The following OCA2 variants were observed in gnomAD, a reference collection of about 807,000 sequenced individuals.
The protein encoded by OCA2 is OCA2 melanosomal transmembrane protein, also known as P protein.
Under a neutral mutation model 100.2 loss-of-function variants are expected in OCA2, and 77 were observed. That is an observed-to-expected ratio of 0.77 (90% CI 0.64 to 0.93). The LOEUF (loss-of-function observed/expected upper bound fraction) is 0.93. Ranked by LOEUF, OCA2 falls within the 40% of genes least tolerant of loss-of-function variation. OCA2 has a pLI of 0.00. For synonymous variants in OCA2, 432 were observed against 439.2 expected (o/e 0.98, Z 0.21); for missense variants, 1,062 against 1,089.1 (o/e 0.98, Z 0.35).
chr15:27,856,963 AAAG>A (rs1215655146), intron 21 of OCA2, among the ~76,000 whole-genome samples: 5 of 152,358 alleles, frequency 3.3e-5, no homozygotes, highest in Admixed American at 6.5e-5. Flanking sequence ...AGCTCTTAAC[AAAG>A]AAGATTACAC....
chr15:27,807,467 C>T (rs1052522751), intron 23 of OCA2, among the ~76,000 whole-genome samples: 1 of 152,142 alleles, frequency 6.6e-6, no homozygotes, highest in African/African-American at 2.4e-5. Context: ...AAGACAGGCA[C>T]GAAGAATAAT....
In OCA2 at chr15:28,085,372, C is replaced by A. The variant is rs186759316; in HGVS notation, c.-21-3477G>T. On this transcript the variant is annotated intron_variant, in intron 1 of 23. Coordinates refer to ENST00000354638, the MANE Select transcript of OCA2 (RefSeq NM_000275.3). ...CTACTCTGAGAACTTCTAGAAGGAGCTGGAGCCCCAGAAGAGATGCCCCAA... is the reference window on the plus strand; with the variant it reads ...CTACTCTGAGAACTTCTAGAAGGAGATGGAGCCCCAGAAGAGATGCCCCAA... Among the ~76,000 whole-genome samples, 3 of 152,256 alleles carry A rather than the reference C, an allele frequency of 2.0e-5. No individual in the cohort carries two copies. In the East Asian group the frequency reaches 5.8e-4, roughly 29 times the overall value.
At chr15:27,927,613 A>G (rs1039036891) in intron 18 of OCA2, among the ~76,000 whole-genome samples, 3 of 152,158 alleles carry the variant, frequency 2.0e-5, no homozygotes, top group African/African-American at 7.2e-5. Flanking sequence ...ATTTTCCAAA[A>G]TAATTTTATC....
At chr15:28,076,067 T>G (rs2044417806) in intron 2 of OCA2, among the ~76,000 whole-genome samples, 1 of 152,224 alleles carries the variant, frequency 6.6e-6, no homozygotes, top group South Asian at 2.1e-4. Flanking sequence ...ACAGCACTGA[T>G]AGTGTTTACA....
chr15:27,844,174 C>T (rs908128284), intron 23 of OCA2, among the ~76,000 whole-genome samples: 1 of 152,174 alleles, frequency 6.6e-6, no homozygotes, highest in Non-Finnish European at 1.5e-5. Context: ...CTAGAGGAGG[C>T]TCTACTCTGC....
chr15:27,967,092 T>C (rs539946399), intron 14 of OCA2, among the ~76,000 whole-genome samples: 1 of 152,302 alleles, frequency 6.6e-6, no homozygotes, highest in Non-Finnish European at 1.5e-5. Flanking sequence ...ATCATGCCAC[T>C]GCACTCCAGC....
chr15:28,085,204 TC>T (rs1344140473), intron 1 of OCA2, among the ~76,000 whole-genome samples: 1 of 151,970 alleles, frequency 6.6e-6, no homozygotes, highest in Non-Finnish European at 1.5e-5. Flanking sequence ...CCACCGCACC[TC>T]CCCAGACAGT....
intron 22 of OCA2, 101 bp from the exon 23 acceptor site, chr15:27,845,153 GATT>G (rs376820849): frequency 4.4e-6 from 4 of 916,616 alleles, no homozygotes; most frequent in Non-Finnish European, 7.0e-6. Flanking sequence ...GCTTTGATTT[GATT>G]ATTATTTTAT....
intron 23 of OCA2, among the ~76,000 whole-genome samples, chr15:27,809,819 G>A (rs893065235): frequency 6.6e-6 from 1 of 152,212 alleles, no homozygotes; most frequent in Admixed American, 6.5e-5. Context: ...CAAGGAGGTC[G>A]AAGACCTCTA....
chr15:27,832,825 A>G (rs1385827114), intron 23 of OCA2, among the ~76,000 whole-genome samples: 1 of 130,496 alleles, frequency 7.7e-6, no homozygotes, highest in African/African-American at 2.8e-5. Flanking sequence ...CGGATTAAAT[A>G]TCTGATTTTT....
Position 28,081,711 on chromosome 15 carries a change from GC to G in OCA2, c.163del (p.Ala55LeufsTer47), listed in dbSNP as rs1254334474. 5.6e-6 allele frequency: 9 copies of G among 1,613,660 alleles called. No individual in the cohort carries two copies. Among genetic ancestry groups the G allele is most frequent in the Non-Finnish European group, 6.8e-6 (8 of 1,179,940 alleles). ...ADPSHSCPRG[A>X]AGQSSWAPAG... The stretch of plus-strand genomic sequence containing the variant: ...AGGAGCCCAAGAGCTCTGCCCGGCA[GC>G]CCCCCTGGGGCAGGAGTGCGAGGGG... On this transcript the variant is annotated frameshift_variant, in exon 2 of 24. Coordinates refer to ENST00000354638, the MANE Select transcript of OCA2 (RefSeq NM_000275.3). LOFTEE classifies it high-confidence loss of function.
chr15:27,824,602 C>CTCTCTCTCTCTCTCTCTCTCTCTCTATA lies in OCA2; in HGVS notation c.2432+20356_2432+20357insTATAGAGAGAGAGAGAGAGAGAGAGAGA. ...TTTCTCTCTCTCTCTCTCTCTCTCT[C>CTCTCTCTCTCTCTCTCTCTCTCTCTATA]TATATATATATATATATATAATATA... On this transcript the variant is annotated intron_variant, in intron 23 of 23. Transcript: ENST00000354638. Among the ~76,000 whole-genome samples, 37 of 47,586 alleles carry CTCTCTCTCTCTCTCTCTCTCTCTCTATA rather than the reference C, an allele frequency of 7.8e-4. 1 individual carries two copies. Among genetic ancestry groups the CTCTCTCTCTCTCTCTCTCTCTCTCTATA allele is most frequent in the Middle Eastern group, 0.036 (2 of 56 alleles). The allele number at this position is 47,586 out of a possible 152,430, so 31.2% of individuals were successfully genotyped here.
chr15:27,968,540 A>C (rs2040658254), intron 14 of OCA2, among the ~76,000 whole-genome samples: 1 of 152,214 alleles, frequency 6.6e-6, no homozygotes, highest in Admixed American at 6.5e-5. Flanking sequence ...TTCCTTATTA[A>C]AATTTATGTA....
chr15:27,900,304 C>A (rs2037876603), intron 19 of OCA2, among the ~76,000 whole-genome samples: 1 of 152,010 alleles, frequency 6.6e-6, no homozygotes, highest in Admixed American at 6.5e-5. Flanking sequence ...GCACATGCAC[C>A]CAGAGGAACA....
chr15:27,719,776 A>T, the OCA2 span, among the ~76,000 whole-genome samples: 1 of 152,218 alleles, frequency 6.6e-6, no homozygotes, highest in Non-Finnish European at 1.5e-5. Flanking sequence ...TCTGGAGGAT[A>T]GGAAGTGCAA....
the OCA2 span, among the ~76,000 whole-genome samples, chr15:27,749,652 C>T: frequency 6.6e-6 from 1 of 152,090 alleles, no homozygotes; most frequent in Non-Finnish European, 1.5e-5. Context: ...CCATGGTATA[C>T]AGGATCTACA....
chr15:27,900,960 G>A (rs2037904748), intron 19 of OCA2, among the ~76,000 whole-genome samples: 1 of 152,224 alleles, frequency 6.6e-6, no homozygotes, highest in East Asian at 1.9e-4. Context: ...AAAGAAGTGA[G>A]TTAACTAACA....
At position 27,805,380 on chromosome 15, in the gene OCA2, A is replaced by G. The variant is rs4313765; in HGVS notation, c.2432+39579T>C. On this transcript the variant is annotated intron_variant, in intron 23 of 23. Coordinates refer to ENST00000354638, the MANE Select transcript of OCA2 (RefSeq NM_000275.3). ...GCCTGGGCTGGGCTGCGAGGCAGCGACAGGAAAAGCGGCTGGGTGTTCCAG... is the reference window on the plus strand; with the variant it reads ...GCCTGGGCTGGGCTGCGAGGCAGCGGCAGGAAAAGCGGCTGGGTGTTCCAG... 3.1e-3 allele frequency among the ~76,000 whole-genome samples: 469 copies of G among 152,386 alleles called. 4 individuals carry two copies. The highest frequency in any genetic ancestry group is 0.011 in the African/African-American group (445 of 41,600).
intron 18 of OCA2, among the ~76,000 whole-genome samples, chr15:27,936,178 C>T (rs2039443965): frequency 6.6e-6 from 1 of 152,240 alleles, no homozygotes; most frequent in Admixed American, 6.5e-5. Flanking sequence ...GTAATTCTAG[C>T]TCTCTCACTT....
Sources: gnomAD v4.1 joint callset for allele counts (sites outside exome capture counted in the v4.1 genomes callset) on GRCh38, gnomAD v4.1.1 for gene constraint, MANE v1.5 for transcripts, NCBI Gene and HGNC (gene_info 2026-07-23, HGNC 2026-07-21) for gene names.